Variants in NWD2 observed in about 807,000 individuals in gnomAD.
NWD2 encodes the protein NACHT and WD repeat domain containing 2.
A neutral mutation model predicts 132.7 loss-of-function variants in NWD2; 37 were observed. The observed-to-expected ratio is 0.28, with a 90% CI of 0.21 to 0.37. The LOEUF (loss-of-function observed/expected upper bound fraction) is 0.37. Among genes scored for constraint, NWD2 ranks in the 10% least tolerant of loss-of-function variants. The pLI, the probability that NWD2 is intolerant of heterozygous loss-of-function variation, is 1.00. For synonymous variants in NWD2, 705 were observed against 803.0 expected (o/e 0.88, Z 2.06); for missense variants, 1,592 against 2,122.4 (o/e 0.75, Z 4.91).
At chr4:37,366,021 G>A (rs1405219410) in intron 3 of NWD2, among the ~76,000 whole-genome samples, 1 of 152,150 alleles carries the variant, frequency 6.6e-6, no homozygotes. Context: ...GGGCTGTGGA[G>A]ACAAATGTGA....
At chr4:37,424,371 C>CCATG (rs1711929124) in intron 3 of NWD2, among the ~76,000 whole-genome samples, 1 of 152,156 alleles carries the variant, frequency 6.6e-6, no homozygotes, top group Non-Finnish European at 1.5e-5. Flanking sequence ...GCTGGTACTA[C>CCATG]CATGTCTTCT....
chr4:37,363,969 A>AC (rs1012924309), intron 3 of NWD2, among the ~76,000 whole-genome samples: 2 of 1,778 alleles, frequency 1.1e-3, no homozygotes, highest in Non-Finnish European at 0.056. Flanking sequence ...CTAAAAATAC[A>AC]AAAAAAAAAA....
chr4:37,318,457 G>C (rs1479544297), intron 1 of NWD2, among the ~76,000 whole-genome samples: 1 of 152,112 alleles, frequency 6.6e-6, no homozygotes, highest in Admixed American at 6.5e-5. Context: ...TTTCATTTTA[G>C]ATTCAGGGGA....
At chr4:37,315,545 A>G (rs756326855) in intron 1 of NWD2, among the ~76,000 whole-genome samples, 8 of 152,086 alleles carry the variant, frequency 5.3e-5, no homozygotes, top group East Asian at 1.9e-4. Context: ...GGTTTACTGC[A>G]TATCTTCTAT....
chr4:37,423,320 C>T (rs927452124), intron 3 of NWD2, among the ~76,000 whole-genome samples: 1 of 152,090 alleles, frequency 6.6e-6, no homozygotes, highest in Non-Finnish European at 1.5e-5. Context: ...AATTTATTAT[C>T]ATTTTCCCAT....
intron 2 of NWD2, among the ~76,000 whole-genome samples, chr4:37,352,352 C>G (rs1719788381): frequency 6.6e-6 from 1 of 151,948 alleles, no homozygotes; most frequent in Non-Finnish European, 1.5e-5. Flanking sequence ...CTTTATGAAT[C>G]TTGGTGCTCT....
intron 3 of NWD2, among the ~76,000 whole-genome samples, chr4:37,400,485 C>T (rs112592668): frequency 2.1e-4 from 32 of 152,298 alleles, no homozygotes; most frequent in Admixed American, 5.9e-4. Flanking sequence ...CATCAATTCA[C>T]TTAGAAGGAC....
At chr4:37,279,336 A>G (rs1458999132) in intron 1 of NWD2, among the ~76,000 whole-genome samples, 1 of 152,202 alleles carries the variant, frequency 6.6e-6, no homozygotes, top group East Asian at 1.9e-4. Context: ...TAACAGTAAC[A>G]CTAGATCTGT....
intron 2 of NWD2, among the ~76,000 whole-genome samples, chr4:37,334,480 AC>A (rs1719358235): frequency 6.6e-6 from 1 of 152,054 alleles, no homozygotes; most frequent in African/African-American, 2.4e-5. Flanking sequence ...TATCAGACAT[AC>A]CCTTTCTTCA....
At chr4:37,361,244 T>C (rs1429509779) in intron 3 of NWD2, among the ~76,000 whole-genome samples, 1 of 152,042 alleles carries the variant, frequency 6.6e-6, no homozygotes, top group South Asian at 2.1e-4. Context: ...CCACCAGATA[T>C]GCAAAGCAGA....
At chr4:37,416,534 A>G (rs111450842) in intron 3 of NWD2, among the ~76,000 whole-genome samples, 2,000 of 152,244 alleles carry the variant, frequency 0.013, 47 homozygotes, top group African/African-American at 0.045. Context: ...CCATTATGGA[A>G]AACAGTGTGG....
chr4:37,306,615 T>C (rs773566513), intron 1 of NWD2, among the ~76,000 whole-genome samples: 6 of 152,182 alleles, frequency 3.9e-5, no homozygotes, highest in Non-Finnish European at 8.8e-5. Context: ...CCAGTTTCTC[T>C]TGTTGTTGAT....
chr4:37,346,051 C>T (rs1464479895), intron 2 of NWD2, among the ~76,000 whole-genome samples: 1 of 148,560 alleles, frequency 6.7e-6, no homozygotes, highest in Admixed American at 6.7e-5. Flanking sequence ...CACTGCACTC[C>T]AGCCTGGGCA....
intron 3 of NWD2, among the ~76,000 whole-genome samples, chr4:37,370,138 T>C (rs1720185112): frequency 6.6e-6 from 1 of 152,220 alleles, no homozygotes; most frequent in African/African-American, 2.4e-5. Flanking sequence ...TGAGACAACT[T>C]AAATATATTA....
rs533298800 is a variant in NWD2, at chr4:37,282,344, T to A, written c.151+37126T>A. ...AAAAAAAATGCAGAATAACAATGGG[T>A]TTTTTTCCCCTGAGCCTGCTTTACT... On this transcript the variant is annotated intron_variant, in intron 1 of 6. Coordinates refer to ENST00000309447, the MANE Select transcript of NWD2 (RefSeq NM_001144990.2). Among the ~76,000 whole-genome samples, 8 of 145,212 alleles carry A rather than the reference T, an allele frequency of 5.5e-5. No homozygotes were observed. The East Asian group carries it at 1.3e-3, about 24-fold the overall frequency.
intron 1 of NWD2, among the ~76,000 whole-genome samples, chr4:37,263,009 C>T (rs1238870868): frequency 5.9e-5 from 9 of 152,062 alleles, no homozygotes; most frequent in Non-Finnish European, 1.5e-5. Context: ...TTCATGGAGC[C>T]GAGACCACCA....
intron 3 of NWD2, among the ~76,000 whole-genome samples, chr4:37,413,289 A>G (rs1721199398): frequency 1.3e-5 from 2 of 152,138 alleles, no homozygotes; most frequent in South Asian, 2.1e-4. Context: ...AAAGCAAACA[A>G]CCCCATCAAA....
At chr4:37,417,444 G>A (rs778235713) in intron 3 of NWD2, among the ~76,000 whole-genome samples, 2 of 152,166 alleles carry the variant, frequency 1.3e-5, no homozygotes, top group South Asian at 2.1e-4. Context: ...TATATATATG[G>A]AATTTGCTAA....
intron 1 of NWD2, among the ~76,000 whole-genome samples, chr4:37,256,440 A>ATATGC (rs1717520276): frequency 6.6e-6 from 1 of 152,208 alleles, no homozygotes; most frequent in African/African-American, 2.4e-5. Flanking sequence ...TGAAAAATCT[A>ATATGC]CTTACATGAG....
Sources: gnomAD v4.1 joint callset for allele counts (sites outside exome capture counted in the v4.1 genomes callset) on GRCh38, gnomAD v4.1.1 for gene constraint, MANE v1.5 for transcripts, NCBI Gene and HGNC (gene_info 2026-07-23, HGNC 2026-07-21) for gene names.